The following CDH4 variants were observed in gnomAD, a reference collection of about 807,000 sequenced individuals.
CDH4 encodes cadherin-4.
CDH4 carries 33 observed loss-of-function variants against 86.0 expected under a neutral mutation model. The ratio of observed to expected loss-of-function variants is 0.38; its 90% CI spans 0.29 to 0.51. CDH4 has a LOEUF of 0.51. Among genes scored for constraint, CDH4 ranks in the 20% least tolerant of loss-of-function variants. CDH4 has a pLI of 0.86. For synonymous variants in CDH4, 555 were observed against 549.4 expected (o/e 1.01, Z -0.14); for missense variants, 1,114 against 1,307.4 (o/e 0.85, Z 2.28).
intron 2 of CDH4, among the ~76,000 whole-genome samples, chr20:61,459,553 G>A (rs2145557109): frequency 6.6e-6 from 1 of 150,698 alleles, no homozygotes; most frequent in Non-Finnish European, 1.5e-5. Context: ...CCAGTGCCTA[G>A]GATGGGGGAC....
intron 4 of CDH4, among the ~76,000 whole-genome samples, chr20:61,788,335 G>T (rs1370442795): frequency 6.6e-6 from 1 of 152,168 alleles, no homozygotes; most frequent in African/African-American, 2.4e-5. Context: ...GCCCTGAGGG[G>T]CTGGGGGAGG....
At chr20:61,665,497 AGT>A (rs2087312692) in intron 2 of CDH4, among the ~76,000 whole-genome samples, 4 of 152,224 alleles carry the variant, frequency 2.6e-5, no homozygotes, top group African/African-American at 9.6e-5. Context: ...GAATTTGCAG[AGT>A]GCCTTCTTTC....
rs375994111 is a variant in CDH4 at position 61,895,017 on chromosome 20, T to C, written c.1158T>C (p.Asn386=). 198 of 1,613,754 alleles carry C rather than the reference T, an allele frequency of 1.2e-4. 1 individual carries two copies. Among genetic ancestry groups the C allele is most frequent in the Non-Finnish European group, 1.5e-4 (180 of 1,180,012 alleles). The change falls in exon 8 of 16, where the codon AAT becomes AAC. Residue 386 remains asparagine, a synonymous_variant. Transcript: ENST00000614565. ...CCATCATCACGGTGACAGATGTGAATGACAACCCGCCAGAATTTACCGCCA... is the reference window on the plus strand; with the variant it reads ...CCATCATCACGGTGACAGATGTGAACGACAACCCGCCAGAATTTACCGCCA... ...ATAIITVTDV[N]DNPPEFTAST...
At chr20:61,460,883 A>G (rs1298519388) in intron 2 of CDH4, among the ~76,000 whole-genome samples, 1 of 152,112 alleles carries the variant, frequency 6.6e-6, no homozygotes, top group South Asian at 2.1e-4. Context: ...GAATGATATT[A>G]CTGTTATTCC....
At chr20:61,420,508 C>T (rs2085171489) in intron 2 of CDH4, among the ~76,000 whole-genome samples, 1 of 152,376 alleles carries the variant, frequency 6.6e-6, no homozygotes. Context: ...CCACTGAAAA[C>T]AAAATAAGCA....
At chr20:61,474,653 A>G (rs1390159302) in intron 2 of CDH4, among the ~76,000 whole-genome samples, 5 of 152,094 alleles carry the variant, frequency 3.3e-5, no homozygotes, top group African/African-American at 1.2e-4. Context: ...GACTTGAGTT[A>G]AGCAACCAGA....
chr20:61,621,024 T>C (rs891931896), intron 2 of CDH4, among the ~76,000 whole-genome samples: 10 of 152,282 alleles, frequency 6.6e-5, no homozygotes, highest in African/African-American at 2.2e-4. Flanking sequence ...GATTTATCTG[T>C]GTCCAAATAA....
At chr20:61,932,323 T>C (rs1270716756) in intron 13 of CDH4, among the ~76,000 whole-genome samples, 1 of 152,032 alleles carries the variant, frequency 6.6e-6, no homozygotes, top group East Asian at 1.9e-4. Flanking sequence ...AATCAATGAC[T>C]CAAAATGTAG....
At chr20:61,872,539 C>T (rs1983852994) in intron 6 of CDH4, among the ~76,000 whole-genome samples, 1 of 152,210 alleles carries the variant, frequency 6.6e-6, no homozygotes, top group South Asian at 2.1e-4. Context: ...CCCCGTCAGC[C>T]AGGGGAGGCA....
chr20:61,580,257 C>A (rs1260898646), intron 2 of CDH4, among the ~76,000 whole-genome samples: 1 of 152,144 alleles, frequency 6.6e-6, no homozygotes, highest in Non-Finnish European at 1.5e-5. Flanking sequence ...GAGTTCGAGA[C>A]CAGCCTGGCT....
intron 8 of CDH4, among the ~76,000 whole-genome samples, chr20:61,905,604 G>A (rs558060846): frequency 6.6e-6 from 1 of 152,282 alleles, no homozygotes; most frequent in East Asian, 1.9e-4. Flanking sequence ...CCTGCTGCCT[G>A]CAAGGGTGCT....
intron 9 of CDH4, among the ~76,000 whole-genome samples, chr20:61,914,451 G>C (rs1387429812): frequency 6.7e-6 from 1 of 150,044 alleles, no homozygotes; most frequent in African/African-American, 2.5e-5. Flanking sequence ...AAAAGCACAG[G>C]ACACAGATCC....
chr20:61,801,629 A>C (rs1352461834), intron 4 of CDH4, among the ~76,000 whole-genome samples: 1 of 152,104 alleles, frequency 6.6e-6, no homozygotes, highest in African/African-American at 2.4e-5. Flanking sequence ...CCATGCTCCC[A>C]CTGGAGGCCC....
intron 8 of CDH4, among the ~76,000 whole-genome samples, chr20:61,903,109 C>T (rs2054747410): frequency 6.6e-6 from 1 of 151,904 alleles, no homozygotes; most frequent in Non-Finnish European, 1.5e-5. Flanking sequence ...ACGTGCCAGG[C>T]CTTGTTCATT....
chr20:61,573,012 T>TGATG (rs1222153146), intron 2 of CDH4, among the ~76,000 whole-genome samples: 8 of 131,358 alleles, frequency 6.1e-5, no homozygotes, highest in Non-Finnish European at 1.1e-4. Context: ...ATGGATGGAT[T>TGATG]GATGGATGGA....
At chr20:61,471,191 A>G (rs549762847) in intron 2 of CDH4, among the ~76,000 whole-genome samples, 21 of 151,950 alleles carry the variant, frequency 1.4e-4, no homozygotes, top group Admixed American at 5.2e-4. Flanking sequence ...GCTTTTTAGT[A>G]TGGCTTTGAT....
At chr20:61,848,044 T>C (rs1456678313) in intron 5 of CDH4, among the ~76,000 whole-genome samples, 1 of 152,260 alleles carries the variant, frequency 6.6e-6, no homozygotes, top group Non-Finnish European at 1.5e-5. Context: ...GCCTAATGCA[T>C]ATGCAGAGCT....
At position 61,842,859 on chromosome 20, in the gene CDH4, C is replaced by T. The variant is rs58426732; in HGVS notation, c.577-1809C>T. Among the ~76,000 whole-genome samples the T allele has an allele frequency of 3.1e-3, 470 of 152,224 alleles. 1 individual carries two copies. The highest frequency in any genetic ancestry group is 0.011 in the African/African-American group (444 of 41,532). On this transcript the variant is annotated intron_variant, in intron 4 of 15. Transcript: ENST00000614565. ...TGTAATTCCATTTTGATTATGAAAA[C>T]ATTCAAGGTTATGGGTTTGCAGGCA... is the stretch of plus-strand genomic sequence containing the variant.
intron 2 of CDH4, among the ~76,000 whole-genome samples, chr20:61,455,538 G>A (rs2085402365): frequency 6.6e-6 from 1 of 152,216 alleles, no homozygotes; most frequent in East Asian, 1.9e-4. Context: ...ACCAGGTGAT[G>A]TTTATATGTA....
Sources: allele counts gnomAD v4.1 joint callset (sites outside exome capture counted in the v4.1 genomes callset), GRCh38; gene constraint gnomAD v4.1.1; transcripts MANE v1.5; gene names NCBI Gene and HGNC (gene_info 2026-07-23, HGNC 2026-07-21).